The following LRRC4C variants were observed in gnomAD, a reference collection of about 807,000 sequenced individuals.
The protein encoded by LRRC4C is leucine-rich repeat-containing protein 4C.
A neutral mutation model predicts 33.6 loss-of-function variants in LRRC4C; 5 were observed. That is an observed-to-expected ratio of 0.15 (90% CI 0.08 to 0.31). LRRC4C has a LOEUF of 0.31. LRRC4C is among the 10% of genes least tolerant of loss of function. The pLI is 1.00. For synonymous variants in LRRC4C, 329 were observed against 302.0 expected, an observed-to-expected ratio of 1.09 and a Z score of -0.93; for missense variants, 560 against 796.7, an observed-to-expected ratio of 0.70 and a Z score of 3.58.
intron 1 of LRRC4C, among the ~76,000 whole-genome samples, chr11:41,024,701 A>G (rs180694165): frequency 6.6e-6 from 1 of 151,756 alleles, no homozygotes; most frequent in Admixed American, 6.6e-5. Context: ...ATTTCAGTAA[A>G]CAGTTCCCTG....
chr11:40,170,372 C>G (rs1444040575), intron 5 of LRRC4C, among the ~76,000 whole-genome samples: 3 of 152,174 alleles, frequency 2.0e-5, no homozygotes, highest in Non-Finnish European at 4.4e-5. Flanking sequence ...AAAGGGCTCA[C>G]TCGGTGAAAA....
At chr11:41,058,761 T>C (rs1304544934) in intron 1 of LRRC4C, among the ~76,000 whole-genome samples, 1 of 152,216 alleles carries the variant, frequency 6.6e-6, no homozygotes, top group Non-Finnish European at 1.5e-5. Flanking sequence ...TGCACATATA[T>C]GTTCATCACA....
intron 5 of LRRC4C, among the ~76,000 whole-genome samples, chr11:40,215,691 T>G (rs981257452): frequency 5.3e-5 from 8 of 151,980 alleles, no homozygotes; most frequent in Non-Finnish European, 1.2e-4. Flanking sequence ...AAGAAAGAAA[T>G]AAAAGACATG....
At chr11:40,767,348 A>G (rs1334897274) in intron 2 of LRRC4C, among the ~76,000 whole-genome samples, 1 of 152,134 alleles carries the variant, frequency 6.6e-6, no homozygotes, top group African/African-American at 2.4e-5. Flanking sequence ...AGAGCTAAAG[A>G]TAGATAAATA....
At chr11:41,100,428 G>A (rs1405896288) in intron 1 of LRRC4C, among the ~76,000 whole-genome samples, 2 of 152,026 alleles carry the variant, frequency 1.3e-5, no homozygotes, top group Admixed American at 6.6e-5. Flanking sequence ...GTAGCTGGGA[G>A]TGGTGGCAGG....
chr11:41,149,220 C>T (rs1204149567), intron 1 of LRRC4C, among the ~76,000 whole-genome samples: 2 of 152,056 alleles, frequency 1.3e-5, no homozygotes, highest in African/African-American at 4.8e-5. Context: ...AAATGAAGGG[C>T]TGAGGCCGGG....
At chr11:40,893,910 T>C (rs1358469594) in intron 2 of LRRC4C, among the ~76,000 whole-genome samples, 1 of 152,102 alleles carries the variant, frequency 6.6e-6, no homozygotes, top group Non-Finnish European at 1.5e-5. Context: ...TTTTGAAATC[T>C]GAGCTGCTCT....
At chr11:40,665,116 TAAC>T (rs997412177) in intron 2 of LRRC4C, among the ~76,000 whole-genome samples, 1 of 151,480 alleles carries the variant, frequency 6.6e-6, no homozygotes, top group Non-Finnish European at 1.5e-5. Context: ...CAACCTCATT[TAAC>T]AACAGATCTG....
intron 2 of LRRC4C, among the ~76,000 whole-genome samples, chr11:40,741,728 G>T (rs1276615483): frequency 1.3e-5 from 2 of 151,930 alleles, no homozygotes; most frequent in South Asian, 2.1e-4. Flanking sequence ...ATTTTTCAAT[G>T]AAATTTTGAT....
intron 2 of LRRC4C, among the ~76,000 whole-genome samples, chr11:40,865,511 GTA>G (rs68153820): frequency 0.52 from 76,210 of 146,960 alleles, 22,705 homozygotes; most frequent in Non-Finnish European, 0.66. Flanking sequence ...TCCACAGTGT[GTA>G]TATATATATA....
chr11:40,282,589 G>T (rs1344437605), intron 4 of LRRC4C, among the ~76,000 whole-genome samples: 1 of 151,926 alleles, frequency 6.6e-6, no homozygotes, highest in Admixed American at 6.6e-5. Flanking sequence ...CTCTAAACTG[G>T]AAATAATCTA....
chr11:40,247,632 G>A (rs1216561669), intron 4 of LRRC4C, among the ~76,000 whole-genome samples: 1 of 147,892 alleles, frequency 6.8e-6, no homozygotes. Flanking sequence ...TGTCAATACT[G>A]AACAATCATT....
At position 41,023,089 on chromosome 11, in the gene LRRC4C, A is replaced by C. The variant is rs1008358973; in HGVS notation, c.-495-89366T>G. On this transcript the variant is annotated intron_variant, in intron 1 of 6. Coordinates refer to ENST00000528697, the MANE Select transcript of LRRC4C (RefSeq NM_001258419.2). ...ACATTTTAATTTATTGAAAAATAAA[A>C]TAAATAGAAGGACATAAGAGAACAT... is the stretch of plus-strand genomic sequence containing the variant. Among the ~76,000 whole-genome samples, 5 of 152,008 alleles carry C rather than the reference A, an allele frequency of 3.3e-5. No individual in the cohort carries two copies. In the East Asian group the frequency reaches 9.7e-4, roughly 29 times the overall value.
intron 1 of LRRC4C, among the ~76,000 whole-genome samples, chr11:41,007,620 G>A (rs1428621074): frequency 6.6e-6 from 1 of 151,976 alleles, no homozygotes; most frequent in Non-Finnish European, 1.5e-5. Flanking sequence ...CAGAATACAA[G>A]GCAAATCCAT....
chr11:40,651,358 G>A (rs1373915312), intron 2 of LRRC4C, among the ~76,000 whole-genome samples: 4 of 151,876 alleles, frequency 2.6e-5, no homozygotes, highest in Non-Finnish European at 5.9e-5. Context: ...TGGGGGTGGG[G>A]GAGAGGAGAG....
At chr11:40,951,436 C>A (rs1343632053) in intron 1 of LRRC4C, among the ~76,000 whole-genome samples, 1 of 151,746 alleles carries the variant, frequency 6.6e-6, no homozygotes, top group Non-Finnish European at 1.5e-5. Context: ...AAAAAAAATT[C>A]CTGATGCAAA....
intron 1 of LRRC4C, among the ~76,000 whole-genome samples, chr11:41,402,127 C>A (rs1448579868): frequency 6.6e-6 from 1 of 151,916 alleles, no homozygotes. Flanking sequence ...AAGGTGTGGA[C>A]AACAGGGTCC....
intron 2 of LRRC4C, among the ~76,000 whole-genome samples, chr11:40,762,894 T>C (rs1195466822): frequency 1.3e-5 from 2 of 151,990 alleles, no homozygotes; most frequent in South Asian, 2.1e-4. Context: ...ATTTTAGAGA[T>C]GATATGATGC....
At chr11:40,529,986 C>T (rs930613507) in intron 3 of LRRC4C, among the ~76,000 whole-genome samples, 7 of 152,032 alleles carry the variant, frequency 4.6e-5, no homozygotes, top group South Asian at 2.1e-4. Context: ...AAATAAGGCT[C>T]ATTAATCAAA....
Sources: gnomAD v4.1 joint callset for allele counts (sites outside exome capture counted in the v4.1 genomes callset) on GRCh38, gnomAD v4.1.1 for gene constraint, MANE v1.5 for transcripts, NCBI Gene and HGNC (gene_info 2026-07-23, HGNC 2026-07-21) for gene names.